Variants in KIAA1549L observed in about 807,000 individuals in gnomAD.
The protein encoded by KIAA1549L is UPF0606 protein KIAA1549L.
A neutral mutation model predicts 160.7 loss-of-function variants in KIAA1549L; 88 were observed. The observed-to-expected ratio is 0.55, with a 90% CI of 0.46 to 0.65. The LOEUF (loss-of-function observed/expected upper bound fraction) is 0.65, where lower values mean the gene tolerates loss of function less well. Among genes scored for constraint, KIAA1549L ranks in the 30% least tolerant of loss-of-function variants. The pLI is 0.00. For synonymous variants in KIAA1549L, 950 were observed against 976.7 expected, an observed-to-expected ratio of 0.97 and a Z score of 0.51; for missense variants, 2,258 against 2,437.5, an observed-to-expected ratio of 0.93 and a Z score of 1.55.
At chr11:33,390,217 AG>A (rs1850247351) in intron 1 of KIAA1549L, among the ~76,000 whole-genome samples, 1 of 152,206 alleles carries the variant, frequency 6.6e-6, no homozygotes, top group Non-Finnish European at 1.5e-5. Context: ...GAACCCAGGC[AG>A]TTCGATTCCA....
intron 1 of KIAA1549L, among the ~76,000 whole-genome samples, chr11:33,404,573 A>G (rs1268115089): frequency 6.6e-6 from 1 of 152,068 alleles, no homozygotes; most frequent in Non-Finnish European, 1.5e-5. Flanking sequence ...TTAAAGTCAG[A>G]TAAGTACAGA....
chr11:33,443,662 GA>G (rs1442830011), intron 1 of KIAA1549L, among the ~76,000 whole-genome samples: 3 of 151,586 alleles, frequency 2.0e-5, no homozygotes, highest in Non-Finnish European at 2.9e-5. Context: ...TTGGTGCCAT[GA>G]GCCCCTTTGG....
intron 1 of KIAA1549L, among the ~76,000 whole-genome samples, chr11:33,438,474 G>A (rs1253214404): frequency 6.6e-6 from 1 of 152,226 alleles, no homozygotes; most frequent in Non-Finnish European, 1.5e-5. Flanking sequence ...TTGGAGAGAT[G>A]TCAGCTGTGC....
intron 11 of KIAA1549L, among the ~76,000 whole-genome samples, chr11:33,584,671 G>A (rs2133271717): frequency 6.6e-6 from 1 of 152,354 alleles, no homozygotes; most frequent in South Asian, 2.1e-4. Flanking sequence ...CGTAGTCAGG[G>A]AAGGTTTTAT....
At chr11:33,486,336 A>T (rs569512872) in intron 1 of KIAA1549L, among the ~76,000 whole-genome samples, 8 of 152,306 alleles carry the variant, frequency 5.3e-5, no homozygotes, top group African/African-American at 1.9e-4. Flanking sequence ...CAGCAATTCC[A>T]CTTCTGGGTA....
At chr11:33,530,308 A>G (rs2133146180) in intron 1 of KIAA1549L, among the ~76,000 whole-genome samples, 1 of 150,434 alleles carries the variant, frequency 6.6e-6, no homozygotes, top group South Asian at 2.1e-4. Flanking sequence ...AGGCTGAGTC[A>G]GGAGAATGGC....
chr11:33,660,722 C>A, intron 19 of KIAA1549L, 141 bp from the exon 20 acceptor site: 1 of 742,724 alleles, frequency 1.3e-6, no homozygotes, highest in Non-Finnish European at 2.2e-6. Context: ...AAGCTCCCCT[C>A]AGCTCAGACC....
chr11:33,572,830 TG>T (rs1442873437), intron 9 of KIAA1549L, among the ~76,000 whole-genome samples: 2 of 152,224 alleles, frequency 1.3e-5, no homozygotes, highest in Non-Finnish European at 2.9e-5. Flanking sequence ...CTGGAATTGC[TG>T]GTTCTTAGGG....
intron 16 of KIAA1549L, among the ~76,000 whole-genome samples, chr11:33,626,074 A>G (rs529346271): frequency 6.0e-5 from 9 of 150,712 alleles, no homozygotes; most frequent in African/African-American, 2.0e-4. Context: ...AGTTGTAGAT[A>G]TGCGGCATGA....
At chr11:33,407,127 C>T (rs1237250380) in intron 1 of KIAA1549L, among the ~76,000 whole-genome samples, 1 of 131,838 alleles carries the variant, frequency 7.6e-6, no homozygotes, top group Admixed American at 9.0e-5. Context: ...CTCTGTCGTC[C>T]AGGCTGGAGT....
chr11:33,460,035 C>G (rs1851910816), intron 1 of KIAA1549L, among the ~76,000 whole-genome samples: 1 of 151,662 alleles, frequency 6.6e-6, no homozygotes. Flanking sequence ...TCCTTAGCAA[C>G]CCACAGCATA....
At chr11:33,416,456 A>C in intron 1 of KIAA1549L, among the ~76,000 whole-genome samples, 1 of 151,982 alleles carries the variant, frequency 6.6e-6, no homozygotes, top group East Asian at 1.9e-4. Context: ...CAGCTCAAAA[A>C]TGTTTGAAAA....
intron 1 of KIAA1549L, among the ~76,000 whole-genome samples, chr11:33,475,988 A>T (rs1301529984): frequency 6.6e-6 from 1 of 152,170 alleles, no homozygotes; most frequent in African/African-American, 2.4e-5. Flanking sequence ...AAACCCTCAC[A>T]TGTGCCCATC....
At chr11:33,570,410 G>T (rs1855211721) in intron 9 of KIAA1549L, among the ~76,000 whole-genome samples, 1 of 152,108 alleles carries the variant, frequency 6.6e-6, no homozygotes, top group African/African-American at 2.4e-5. Context: ...TTTACAGAGG[G>T]TGTAGATCAC....
intron 1 of KIAA1549L, among the ~76,000 whole-genome samples, chr11:33,514,690 A>T (rs952416773): frequency 6.6e-6 from 1 of 152,198 alleles, no homozygotes; most frequent in Admixed American, 6.5e-5. Flanking sequence ...CTCAGGAGAC[A>T]GACACTGATT....
chr11:33,544,960 C>A lies in KIAA1549L; in HGVS notation c.2967C>A (p.Ala989=), dbSNP rs531225970. ...TTGCTAAAAATGTCACAAACAAGGC[C>A]GCATCTGGCCCAAAGAGGACACCAG... ...TTLAKNVTNK[A]ASGPKRTPGA... The change falls in exon 3 of 21, where the codon GCC becomes GCA. Residue 989 remains alanine, a synonymous_variant. Transcript: ENST00000658780. The A allele has an allele frequency of 6.2e-7, 1 of 1,613,866 alleles. No individual in the cohort carries two copies. Among genetic ancestry groups the A allele is most frequent in the East Asian group, 2.2e-5 (1 of 44,866 alleles).
At chr11:33,399,607 G>A (rs1850456753) in intron 1 of KIAA1549L, among the ~76,000 whole-genome samples, 1 of 152,168 alleles carries the variant, frequency 6.6e-6, no homozygotes, top group African/African-American at 2.4e-5. Context: ...AAAGGGCCAT[G>A]GTTCTGAATC....
chr11:33,442,922 A>G (rs1851538494), intron 1 of KIAA1549L, among the ~76,000 whole-genome samples: 1 of 152,074 alleles, frequency 6.6e-6, no homozygotes, highest in Non-Finnish European at 1.5e-5. Flanking sequence ...TGGTCCATAA[A>G]TTATGTCCTT....
At chr11:33,564,519 A>G (rs1277568613) in intron 8 of KIAA1549L, among the ~76,000 whole-genome samples, 4 of 152,246 alleles carry the variant, frequency 2.6e-5, no homozygotes, top group African/African-American at 9.6e-5. Context: ...TTTACAGAGA[A>G]CCTAGAGGCT....
Sources: gnomAD v4.1 joint callset for allele counts (sites outside exome capture counted in the v4.1 genomes callset) on GRCh38, gnomAD v4.1.1 for gene constraint, MANE v1.5 for transcripts, NCBI Gene and HGNC (gene_info 2026-07-23, HGNC 2026-07-21) for gene names.